TRAF3: variants seen among roughly 807,000 people sequenced by gnomAD.
TRAF3 encodes TNF receptor associated factor 3.
TRAF3 carries 13 observed loss-of-function variants against 62.3 expected under a neutral mutation model. The observed-to-expected ratio is 0.21, with a 90% CI of 0.14 to 0.33. TRAF3 has a LOEUF of 0.33. Ranked by LOEUF, TRAF3 falls within the 10% of genes least tolerant of loss-of-function variation. TRAF3 has a pLI of 1.00. For missense variants in TRAF3, 440 were observed against 741.8 expected, an observed-to-expected ratio of 0.59 and a Z score of 4.73; for synonymous variants, 269 against 283.4, an observed-to-expected ratio of 0.95 and a Z score of 0.51.
chr14:102,842,983 G>A (rs1480766578), intron 2 of TRAF3, among the ~76,000 whole-genome samples: 11 of 152,036 alleles, frequency 7.2e-5, no homozygotes, highest in Non-Finnish European at 5.9e-5. Flanking sequence ...CGAGGTGGGC[G>A]AATCACCTGA....
In TRAF3 at chr14:102,787,960, T is replaced by A. The variant is rs575229043; in HGVS notation, c.-157+10285T>A. ...TATGCGTCCCAGGTTCAAGCCATTC[T>A]CATGCCTCAGCCTCCCGAGTAGCTG... is the stretch of plus-strand genomic sequence containing the variant. On this transcript the variant is annotated intron_variant, in intron 1 of 11. Coordinates refer to ENST00000392745, the MANE Select transcript of TRAF3 (RefSeq NM_145725.3). Among the ~76,000 whole-genome samples, 5 of 151,490 alleles carry A rather than the reference T, an allele frequency of 3.3e-5. No homozygotes were observed. In the East Asian group the frequency reaches 9.9e-4, roughly 30 times the overall value.
At chr14:102,787,811 CTTTT>C (rs796964912) in intron 1 of TRAF3, among the ~76,000 whole-genome samples, 1 of 138,970 alleles carries the variant, frequency 7.2e-6, no homozygotes, top group Non-Finnish European at 1.6e-5. Flanking sequence ...ACTTGCCTTG[CTTTT>C]TTTTTTTTTC....
In TRAF3 at chr14:102,905,377, A is replaced by T; in HGVS notation, c.1300A>T (p.Met434Leu). The T allele has an allele frequency of 6.2e-7, 1 of 1,614,276 alleles. No homozygotes were observed. The highest frequency in any genetic ancestry group is 8.5e-7 in the Non-Finnish European group (1 of 1,180,052). ...CAAGCGGCGGAAGCAGGAGGCCGTC[A>T]TGGGGAAGACCCTGTCCCTTTACAG... ...DYKRRKQEAV[M>L]GKTLSLYSQP... Residue 434 changes from methionine (M) to leucine (L), a missense_variant, in exon 12 of 12, where the codon ATG (methionine) becomes TTG (leucine). Physicochemically the swap from Met to Leu is conservative, Grantham distance 15 (BLOSUM62 2). Around this residue, in one of 6 missense-constraint regions of TRAF3, gnomAD observed 42 missense variants for 86.1 expected, o/e 0.49. Coordinates refer to ENST00000392745, the MANE Select transcript of TRAF3 (RefSeq NM_145725.3).
chr14:102,904,910 G>A (rs141926895), intron 11 of TRAF3, among the ~76,000 whole-genome samples: 22,520 of 151,746 alleles, frequency 0.15, 2,160 homozygotes, highest in East Asian at 0.35. Flanking sequence ...TCAGAAGTTC[G>A]AGACCAGCCT....
intron 11 of TRAF3, 42 bp from the exon 12 acceptor site, chr14:102,905,171 G>A (rs776881499): frequency 6.9e-6 from 11 of 1,583,268 alleles, no homozygotes; most frequent in South Asian, 3.3e-5. Context: ...CCTCTCTGAC[G>A]TTCACCTGTC....
intron 2 of TRAF3, among the ~76,000 whole-genome samples, chr14:102,832,218 C>CT (rs1566762378): frequency 1.3e-5 from 2 of 152,102 alleles, no homozygotes; most frequent in South Asian, 2.1e-4. Flanking sequence ...TCACAGTTAT[C>CT]TTTTTTTGTG....
chr14:102,846,638 T>TAAAAAAAAAAAAAAAAAA (rs752922791), intron 2 of TRAF3, among the ~76,000 whole-genome samples: 1 of 71,784 alleles, frequency 1.4e-5, no homozygotes, highest in African/African-American at 6.3e-5. Flanking sequence ...TCCAGCTTCT[T>TAAAAAAAAAAAAAAAAAA]AAAAAAAAAA....
intron 6 of TRAF3, among the ~76,000 whole-genome samples, chr14:102,883,143 G>C (rs1280498207): frequency 6.6e-6 from 1 of 152,194 alleles, no homozygotes; most frequent in Non-Finnish European, 1.5e-5. Context: ...ATGTGGCCAG[G>C]TGTGACCAGA....
At chr14:102,885,248 G>T (rs1217536064) in intron 6 of TRAF3, among the ~76,000 whole-genome samples, 1 of 152,248 alleles carries the variant, frequency 6.6e-6, no homozygotes, top group Admixed American at 6.5e-5. Flanking sequence ...AGACCCGCCA[G>T]TCAGACTCTG....
intron 2 of TRAF3, among the ~76,000 whole-genome samples, chr14:102,835,033 G>A (rs914114264): frequency 6.6e-6 from 1 of 151,886 alleles, no homozygotes; most frequent in African/African-American, 2.4e-5. Context: ...CATCTATAAG[G>A]AACTTAAGAA....
At chr14:102,835,518 G>T (rs1329579373) in intron 2 of TRAF3, among the ~76,000 whole-genome samples, 1 of 152,212 alleles carries the variant, frequency 6.6e-6, no homozygotes. Flanking sequence ...GTCAGTGGCA[G>T]ATTGGATAAA....
At chr14:102,881,969 G>A (rs570390215) in intron 6 of TRAF3, among the ~76,000 whole-genome samples, 1 of 152,188 alleles carries the variant, frequency 6.6e-6, no homozygotes, top group Non-Finnish European at 1.5e-5. Flanking sequence ...CCCTGCCCTG[G>A]TTGCTTAGGA....
At chr14:102,845,807 C>T (rs890304916) in intron 2 of TRAF3, among the ~76,000 whole-genome samples, 4 of 151,738 alleles carry the variant, frequency 2.6e-5, no homozygotes, top group South Asian at 2.1e-4. Flanking sequence ...TGAGCCACTG[C>T]GCCCAGCCAA....
chr14:102,908,878 CG>C lies in TRAF3; in HGVS notation c.*3096del, dbSNP rs1405777913. On this transcript the variant is annotated 3_prime_UTR_variant, in exon 12 of 12. Transcript: ENST00000392745. The stretch of plus-strand genomic sequence containing the variant: ...GCACGCTGGTTGGCTGGCCTGGGCC[CG>C]GCTCACGTGAAGGGCACTGGCTCTT... The C allele has an allele frequency of 6.6e-6, 1 of 152,316 alleles. No homozygotes were observed. The highest frequency in any genetic ancestry group is 1.5e-5 in the Non-Finnish European group (1 of 68,090). 9.4% of individuals were successfully genotyped at this position (152,316 alleles called of 1,614,324 possible).
At chr14:102,870,588 G>T (rs927634298) in intron 3 of TRAF3, 142 bp downstream of exon 3, 99 of 1,200,470 alleles carry the variant, frequency 8.2e-5, no homozygotes, top group East Asian at 7.9e-4. Flanking sequence ...CCCAGCTTGT[G>T]AATCCTTTAG....
At chr14:102,818,958 A>C (rs2139564330) in intron 1 of TRAF3, among the ~76,000 whole-genome samples, 1 of 152,194 alleles carries the variant, frequency 6.6e-6, no homozygotes, top group African/African-American at 2.4e-5. Context: ...TTGTCAATTA[A>C]ATTTTTTAAA....
At chr14:102,863,518 C>T (rs561293573) in intron 2 of TRAF3, among the ~76,000 whole-genome samples, 3 of 152,340 alleles carry the variant, frequency 2.0e-5, no homozygotes, top group South Asian at 2.1e-4. Flanking sequence ...CCTGAGCATT[C>T]GCTGCCTGCT....
chr14:102,900,557 G>A (rs1890243398), intron 10 of TRAF3, among the ~76,000 whole-genome samples: 1 of 152,244 alleles, frequency 6.6e-6, no homozygotes. Context: ...GGTGTCAGTG[G>A]ACTAGATGAA....
At chr14:102,790,338 T>C (rs1008492992) in intron 1 of TRAF3, among the ~76,000 whole-genome samples, 1 of 152,214 alleles carries the variant, frequency 6.6e-6, no homozygotes, top group Non-Finnish European at 1.5e-5. Context: ...ATGTTTGCAT[T>C]TATTTCTGGA....
Sources: allele counts gnomAD v4.1 joint callset (sites outside exome capture counted in the v4.1 genomes callset), GRCh38; gene constraint gnomAD v4.1.1; regional missense constraint gnomAD v4.1.1; transcripts MANE v1.5; gene names NCBI Gene and HGNC (gene_info 2026-07-23, HGNC 2026-07-21).